PUS10: variants seen among roughly 807,000 people sequenced by gnomAD.
PUS10 encodes the protein tRNA pseudouridine synthase Pus10.
In PUS10, 59 loss-of-function variants were observed where a neutral mutation model predicts 75.0. The observed-to-expected ratio is 0.79, with a 90% CI of 0.64 to 0.98. The LOEUF is 0.98. PUS10 is among the 50% of genes least tolerant of loss of function. The probability of loss-of-function intolerance (pLI) is 0.00; values close to 1 mark genes in which losing one functional copy is unlikely to be tolerated. For synonymous variants in PUS10, 219 were observed against 211.6 expected (o/e 1.03, Z -0.30); for missense variants, 650 against 614.4 (o/e 1.06, Z -0.61).
chr2:61,005,695 A>T (rs2104685422), intron 4 of PUS10, among the ~76,000 whole-genome samples: 1 of 152,116 alleles, frequency 6.6e-6, no homozygotes, highest in Non-Finnish European at 1.5e-5. Context: ...CATCCCCTTT[A>T]TTTTTCCATT....
intron 4 of PUS10, among the ~76,000 whole-genome samples, chr2:60,986,657 C>CA (rs1310253512): frequency 6.6e-6 from 1 of 152,180 alleles, no homozygotes; most frequent in Non-Finnish European, 1.5e-5. Context: ...AAACTTCAAA[C>CA]AAAATCTTTC....
intron 16 of PUS10, 63 bp from the exon 17 acceptor site, chr2:60,945,171 A>G: frequency 1.0e-6 from 1 of 996,580 alleles, no homozygotes; most frequent in Non-Finnish European, 1.6e-6. Flanking sequence ...GTAAGATTTG[A>G]CAGGCAAAAA....
chr2:60,999,736 T>C (rs1678724271), intron 4 of PUS10, among the ~76,000 whole-genome samples: 1 of 152,192 alleles, frequency 6.6e-6, no homozygotes, highest in East Asian at 1.9e-4. Flanking sequence ...TTTCTATGTA[T>C]CTTGGCCAAG....
chr2:60,982,815 A>G (rs993638461), intron 4 of PUS10, among the ~76,000 whole-genome samples: 1 of 152,080 alleles, frequency 6.6e-6, no homozygotes, highest in African/African-American at 2.4e-5. Flanking sequence ...TAAATATCCT[A>G]AATAAAATAT....
At chr2:61,017,908 G>C (rs967971414) in intron 1 of PUS10, 100 bp downstream of exon 1, 140 of 1,507,130 alleles carry the variant, frequency 9.3e-5, no homozygotes, top group Non-Finnish European at 1.2e-4. Context: ...GGACTTGGCA[G>C]GAGGCGGTTG....
chr2:61,012,046 A>G, intron 1 of PUS10, 141 bp from the exon 2 acceptor site: 1 of 475,824 alleles, frequency 2.1e-6, no homozygotes. Context: ...TTCATTACAC[A>G]CATATTATAA....
At chr2:61,000,146 T>C (rs982927778) in intron 4 of PUS10, among the ~76,000 whole-genome samples, 1 of 152,196 alleles carries the variant, frequency 6.6e-6, no homozygotes, top group African/African-American at 2.4e-5. Flanking sequence ...CAATCTATCC[T>C]GTTCTGGATA....
chr2:61,015,867 G>C (rs950429006), intron 1 of PUS10, among the ~76,000 whole-genome samples: 30 of 152,130 alleles, frequency 2.0e-4, no homozygotes, highest in African/African-American at 7.0e-4. Flanking sequence ...TACATACACA[G>C]AGAAACTGTT....
intron 4 of PUS10, among the ~76,000 whole-genome samples, chr2:60,983,430 G>A (rs944161038): frequency 2.6e-5 from 4 of 152,152 alleles, no homozygotes; most frequent in African/African-American, 9.7e-5. Flanking sequence ...TGTAATCCCA[G>A]CACTTTGCGA....
intron 16 of PUS10, among the ~76,000 whole-genome samples, chr2:60,947,791 C>T (rs1259106303): frequency 4.9e-5 from 7 of 143,156 alleles, no homozygotes; most frequent in Non-Finnish European, 1.0e-4. Context: ...ATGGCGCCAC[C>T]GCACTCCAGC....
In PUS10 at chr2:60,961,495, A is replaced by G. The variant is rs1441026648; in HGVS notation, c.842T>C (p.Ile281Thr). 7.4e-6 allele frequency: 12 copies of G among 1,614,054 alleles called. No homozygotes were observed. The highest frequency in any genetic ancestry group is 1.7e-5 in the Admixed American group (1 of 60,006). ...AAAAACAGCACCATGAGCACATTCA[A>G]TTTCAAGAACAGCGCATACAGCCTT... ...SPKAVCAVLEIECAHGAVFVA... is the reference protein window; with the variant it reads ...SPKAVCAVLETECAHGAVFVA... The change falls in exon 10 of 18, where the codon ATT becomes ACT. Residue 281 changes from isoleucine (I) to threonine (T), a missense_variant. Ile to Thr is a moderately conservative substitution (Grantham distance 89). Transcript: ENST00000316752.
chr2:61,017,838 G>C, intron 1 of PUS10, 170 bp downstream of exon 1: 2 of 1,550,534 alleles, frequency 1.3e-6, no homozygotes, highest in Non-Finnish European at 1.7e-6. Flanking sequence ...ACCAGGACCG[G>C]GCCCCACTTT....
intron 4 of PUS10, among the ~76,000 whole-genome samples, chr2:60,974,334 G>A (rs1289490343): frequency 6.7e-6 from 1 of 150,080 alleles, no homozygotes; most frequent in East Asian, 2.0e-4. Flanking sequence ...TCCTGCCTCA[G>A]CCTCTCAAGT....
In PUS10 at chr2:61,011,893, T is replaced by C; in HGVS notation, c.-3A>G. ...TTTTCCTCAGTCAGTGGGAACATAT[T>C]GAATAATTATAACTAGAAAGAAAAG... is the stretch of plus-strand genomic sequence containing the variant. On this transcript the variant is annotated 5_prime_UTR_variant, in exon 2 of 18. Transcript: ENST00000316752. The C allele has an allele frequency of 2.5e-6, 4 of 1,593,986 alleles. No individual in the cohort carries two copies. The highest frequency in any genetic ancestry group is 3.4e-6 in the Non-Finnish European group (4 of 1,174,392).
intron 14 of PUS10, 43 bp downstream of exon 14, chr2:60,953,890 A>ATC: frequency 6.5e-7 from 1 of 1,532,166 alleles, no homozygotes; most frequent in South Asian, 1.1e-5. Flanking sequence ...ACCTGCAACT[A>ATC]AAACGTCCCT....
chr2:60,961,467 C>T lies in PUS10; in HGVS notation c.870G>A (p.Val290=), dbSNP rs1356214169. The T allele has an allele frequency of 3.7e-6, 6 of 1,613,150 alleles. No homozygotes were observed. In the Admixed American group the frequency reaches 1.0e-4, roughly 27 times the overall value. The change falls in exon 10 of 18, where the codon GTG becomes GTA. Residue 290 remains valine, a synonymous_variant. Transcript: ENST00000316752. ...ATTCTAGACTAAATATTTTACCAGCCACAAAAACAGCACCATGAGCACATT... is the reference window on the plus strand; with the variant it reads ...ATTCTAGACTAAATATTTTACCAGCTACAAAAACAGCACCATGAGCACATT... The part of the protein sequence containing the change: ...EIECAHGAVF[V]AGRYNKYSRN...
chr2:61,007,260 G>A (rs1679278060), intron 3 of PUS10, among the ~76,000 whole-genome samples: 1 of 150,118 alleles, frequency 6.7e-6, no homozygotes, highest in African/African-American at 2.5e-5. Flanking sequence ...TGATCCAATT[G>A]TGTGAAACAA....
At chr2:60,960,636 T>C (rs1675969130) in intron 10 of PUS10, 119 bp from the exon 11 acceptor site, 2 of 853,984 alleles carry the variant, frequency 2.3e-6, no homozygotes, top group Admixed American at 6.8e-5. Flanking sequence ...AAACAAGGCC[T>C]ATCCTTTACC....
intron 15 of PUS10, 120 bp from the exon 16 acceptor site, chr2:60,948,305 T>C: frequency 1.1e-6 from 1 of 936,536 alleles, no homozygotes; most frequent in Non-Finnish European, 1.7e-6. Context: ...AGAACTAAAA[T>C]GAATTGTGTC....
Sources: allele counts gnomAD v4.1 joint callset (sites outside exome capture counted in the v4.1 genomes callset), GRCh38; gene constraint gnomAD v4.1.1; transcripts MANE v1.5; gene names NCBI Gene and HGNC (gene_info 2026-07-23, HGNC 2026-07-21).